Variants in KIF26B observed in about 807,000 individuals in gnomAD.
The protein encoded by KIF26B is kinesin-like protein KIF26B.
KIF26B carries 63 observed loss-of-function variants against 151.2 expected under a neutral mutation model. The observed-to-expected ratio is 0.42, with a 90% confidence interval of 0.34 to 0.51. The LOEUF is 0.51. KIF26B is among the 20% of genes least tolerant of loss of function. The pLI, the probability that KIF26B is intolerant of heterozygous loss-of-function variation, is 0.07. For missense variants in KIF26B, 2,813 were observed against 2,913.6 expected (o/e 0.97, Z 0.79); for synonymous variants, 1,357 against 1,262.1 (o/e 1.08, Z -1.59).
intron 2 of KIF26B, among the ~76,000 whole-genome samples, chr1:245,217,324 TCTCA>T (rs937068905): frequency 6.6e-6 from 1 of 152,090 alleles, no homozygotes; most frequent in East Asian, 1.9e-4. Context: ...AACAAATGAC[TCTCA>T]CTCTCTTTTC....
chr1:245,661,629 AAT>A (rs1030349886), intron 10 of KIF26B, among the ~76,000 whole-genome samples: 62 of 150,024 alleles, frequency 4.1e-4, no homozygotes, highest in African/African-American at 1.4e-3. Context: ...ACACACACCC[AAT>A]ATATATATAC....
chr1:245,585,898 T>C (rs1445158523), intron 5 of KIF26B, among the ~76,000 whole-genome samples: 1 of 152,230 alleles, frequency 6.6e-6, no homozygotes, highest in East Asian at 1.9e-4. Context: ...AGAAAACTCA[T>C]TGAACACGTA....
chr1:245,652,327 A>G (rs2044028466), intron 10 of KIF26B, among the ~76,000 whole-genome samples: 1 of 152,204 alleles, frequency 6.6e-6, no homozygotes, highest in Non-Finnish European at 1.5e-5. Flanking sequence ...AACTGCAGCA[A>G]TGATAATTCT....
intron 3 of KIF26B, among the ~76,000 whole-genome samples, chr1:245,415,237 A>G (rs1452870052): frequency 6.6e-6 from 1 of 152,220 alleles, no homozygotes; most frequent in Non-Finnish European, 1.5e-5. Flanking sequence ...AAAACAACTC[A>G]GAGACACACT....
chr1:245,603,605 C>T (rs58982955), intron 6 of KIF26B, among the ~76,000 whole-genome samples: 6,911 of 152,156 alleles, frequency 0.045, 518 homozygotes, highest in African/African-American at 0.16. Flanking sequence ...GTAGAATAGC[C>T]TTGACCAGGT....
intron 2 of KIF26B, among the ~76,000 whole-genome samples, chr1:245,230,300 C>T (rs1669969431): frequency 1.3e-5 from 2 of 152,258 alleles, no homozygotes; most frequent in South Asian, 4.1e-4. Context: ...TCCAAAGATA[C>T]TGCACTTGAA....
At chr1:245,697,242 AT>A (rs1428693182) in intron 12 of KIF26B, among the ~76,000 whole-genome samples, 4 of 152,218 alleles carry the variant, frequency 2.6e-5, no homozygotes, top group African/African-American at 4.8e-5. Flanking sequence ...GCATCTGCTC[AT>A]CAAAACGTCA....
intron 3 of KIF26B, among the ~76,000 whole-genome samples, chr1:245,378,593 T>C (rs1673330132): frequency 6.6e-6 from 1 of 152,096 alleles, no homozygotes; most frequent in South Asian, 2.1e-4. Flanking sequence ...CACTTTCCTA[T>C]GGGTTGAAGA....
chr1:245,217,865 G>A (rs778225298), intron 2 of KIF26B, among the ~76,000 whole-genome samples: 7 of 151,928 alleles, frequency 4.6e-5, no homozygotes, highest in Non-Finnish European at 8.8e-5. Flanking sequence ...ACCCACATGC[G>A]CCATCCCATT....
intron 5 of KIF26B, among the ~76,000 whole-genome samples, chr1:245,552,639 G>A (rs147767022): frequency 7.6e-6 from 1 of 131,946 alleles, no homozygotes; most frequent in African/African-American, 3.3e-5. Flanking sequence ...TTTTGAGACA[G>A]TCTCACTCTG....
chr1:245,336,021 AGTCCCACGCAGGGAAAGGAGG>A (rs1174778848), intron 2 of KIF26B, among the ~76,000 whole-genome samples: 6 of 111,136 alleles, frequency 5.4e-5, no homozygotes, highest in Non-Finnish European at 8.4e-5. Flanking sequence ...ACGCAGGGAG[AGTCCCACGCAGGGAAAGGAGG>A]GTCCCACGCA....
At chr1:245,506,883 T>A (rs987799551) in intron 4 of KIF26B, among the ~76,000 whole-genome samples, 10 of 152,220 alleles carry the variant, frequency 6.6e-5, no homozygotes, top group African/African-American at 2.4e-4. Context: ...TTTCACCATG[T>A]TGACCAGGCT....
At chr1:245,544,978 G>A (rs1572117190) in intron 5 of KIF26B, among the ~76,000 whole-genome samples, 1 of 152,314 alleles carries the variant, frequency 6.6e-6, no homozygotes, top group East Asian at 1.9e-4. Flanking sequence ...TGGAGGCCAT[G>A]GTGATGGAAG....
chr1:245,200,924 G>A lies in KIF26B; in HGVS notation c.465+44241G>A, dbSNP rs534270275. 1.6e-4 allele frequency among the ~76,000 whole-genome samples: 25 copies of A among 152,328 alleles called. No homozygotes were observed. In the East Asian group the frequency reaches 4.0e-3, roughly 25 times the overall value. On this transcript the variant is annotated intron_variant, in intron 2 of 14. Coordinates refer to ENST00000407071, the MANE Select transcript of KIF26B (RefSeq NM_018012.4). ...GCGTGAAAGTCATTGTGTGACCCCT[G>A]TTGATGCCTCTTTATTCTTGTTTTG...
At chr1:245,670,808 G>A (rs889763402) in intron 10 of KIF26B, among the ~76,000 whole-genome samples, 15 of 152,152 alleles carry the variant, frequency 9.9e-5, no homozygotes, top group Admixed American at 2.6e-4. Context: ...GCACGTCATG[G>A]AGAATGGGGT....
Position 245,366,842 on chromosome 1 carries a change from T to C in KIF26B, c.474T>C (p.Ala158=), listed in dbSNP as rs1009054000. Residue 158 remains alanine (A), a synonymous_variant, in exon 3 of 15, where the codon GCT becomes GCC. Coordinates refer to ENST00000407071, the MANE Select transcript of KIF26B (RefSeq NM_018012.4). The part of the protein sequence containing the change: ...LPGPFPGKDP[A]FSAVIHDKLQ... The stretch of plus-strand genomic sequence containing the variant: ...GCTTCTGTGTTCTGTAGGACCCTGC[T>C]TTCTCGGCTGTGATTCACGACAAAC... The C allele has an allele frequency of 1.9e-6, 3 of 1,613,876 alleles. No homozygotes were observed. The highest frequency in any genetic ancestry group is 2.5e-6 in the Non-Finnish European group (3 of 1,179,782).
chr1:245,687,341 C>A lies in KIF26B; in HGVS notation c.4358C>A (p.Ala1453Asp), dbSNP rs188881660. The A allele has an allele frequency of 1.7e-5, 27 of 1,596,248 alleles. 1 individual carries two copies. In the Admixed American group the frequency reaches 4.4e-4, roughly 26 times the overall value. The part of the protein sequence containing the change: ...KREEEVKKET[A>D]HPNEEGMMRC... Reference sequence around the variant, plus strand: ...GAAGAGGAAGTGAAAAAAGAGACGGCTCATCCCAATGAAGAAGGGATGATG... The same window carrying A: ...GAAGAGGAAGTGAAAAAAGAGACGGATCATCCCAATGAAGAAGGGATGATG... Residue 1453 changes from alanine (A) to aspartate (D), a missense_variant, in exon 12 of 15, where the codon GCT (alanine) becomes GAT (aspartate). Physicochemically the swap from Ala to Asp is moderately radical, Grantham distance 126. This residue lies in a region of KIF26B where 2,060 missense variants were observed against 2,088.6 expected (regional missense o/e 0.99). Coordinates refer to ENST00000407071, the MANE Select transcript of KIF26B (RefSeq NM_018012.4). This position sits in a 1 kb window ranked among gnomAD's most constrained non-coding sequence, Gnocchi z 4.9.
chr1:245,663,392 T>C (rs1214057049), intron 10 of KIF26B, among the ~76,000 whole-genome samples: 1 of 151,906 alleles, frequency 6.6e-6, no homozygotes, highest in African/African-American at 2.4e-5. Context: ...TTGTGATCAT[T>C]TTTTTTTGTT....
chr1:245,236,014 C>T (rs1318513162), intron 2 of KIF26B, among the ~76,000 whole-genome samples: 2 of 151,806 alleles, frequency 1.3e-5, no homozygotes, highest in Non-Finnish European at 2.9e-5. Context: ...ACTGCAACCT[C>T]CACCTCCTGG....
Sources: gnomAD v4.1 joint callset for allele counts (sites outside exome capture counted in the v4.1 genomes callset) on GRCh38, gnomAD v4.1.1 for gene constraint, gnomAD v4.1.1 regional missense constraint, Gnocchi (gnomAD v3.1) non-coding constraint, MANE v1.5 for transcripts, NCBI Gene and HGNC (gene_info 2026-07-23, HGNC 2026-07-21) for gene names.